Variants in NLRX1 observed in about 807,000 individuals in gnomAD.
NLRX1 encodes NOD-like receptor X1.
NLRX1 carries 67 observed loss-of-function variants against 74.2 expected under a neutral mutation model. The ratio of observed to expected loss-of-function variants is 0.90; its 90% CI spans 0.74 to 1.11. The LOEUF is 1.11. Among genes scored for constraint, NLRX1 ranks in the 50% least tolerant of loss-of-function variants. NLRX1 has a pLI of 0.00. For missense variants in NLRX1, 1,191 were observed against 1,305.4 expected, an observed-to-expected ratio of 0.91 and a Z score of 1.35; for synonymous variants, 506 against 559.1, an observed-to-expected ratio of 0.91 and a Z score of 1.34.
chr11:119,174,361 C>A (rs1229255277), intron 5 of NLRX1, 92 bp from the exon 6 acceptor site: 5 of 1,323,774 alleles, frequency 3.8e-6, no homozygotes, highest in Non-Finnish European at 5.3e-6. Flanking sequence ...TGTCTTCATC[C>A]TTGGACACTC....
Position 119,183,890 on chromosome 11 carries a change from G to A in NLRX1, c.*451G>A, listed in dbSNP as rs766139731. 5.1e-6 allele frequency: 4 copies of A among 780,870 alleles called. No homozygotes were observed. The East Asian group carries it at 9.7e-5, about 19-fold the overall frequency. 48.4% of individuals were successfully genotyped at this position (780,870 alleles called of 1,614,324 possible). A position where few individuals can be genotyped will look rare whatever the true frequency, so the allele number is the denominator to read the frequency against. On this transcript the variant is annotated 3_prime_UTR_variant, in exon 10 of 10. Coordinates refer to ENST00000409109, the MANE Select transcript of NLRX1 (RefSeq NM_001282144.2). The surrounding 1 kb of genome is among the most constrained non-coding windows in gnomAD (Gnocchi z 5.7). The stretch of plus-strand genomic sequence containing the variant: ...ATGCTCACCTGTGGACACCGAGGAT[G>A]CCCTCACATTGGTGCTTTCTCCTCA...
In NLRX1 at chr11:119,174,767, G is replaced by T; in HGVS notation, c.1164G>T (p.Thr388=). ...CATLHFLHAP[T]PAGQTLTSIY... is the part of the protein sequence containing the mutation. ...CCTTGCACTTCCTGCATGCCCCCACGCCTGCTGGGCAGACCCTTACAAGCA... is the reference window on the plus strand; with the variant it reads ...CCTTGCACTTCCTGCATGCCCCCACTCCTGCTGGGCAGACCCTTACAAGCA... Residue 388 remains threonine (T), a synonymous_variant, in exon 6 of 10, where the codon ACG becomes ACT. Coordinates refer to ENST00000409109, the MANE Select transcript of NLRX1 (RefSeq NM_001282144.2). 1 of 1,613,738 alleles carries T rather than the reference G, an allele frequency of 6.2e-7. No homozygotes were observed. The highest frequency in any genetic ancestry group is 8.5e-7 in the Non-Finnish European group (1 of 1,180,034).
intron 3 of NLRX1, 108 bp downstream of exon 3, chr11:119,172,533 C>A: frequency 1.2e-6 from 1 of 848,840 alleles, no homozygotes; most frequent in Non-Finnish European, 2.0e-6. Flanking sequence ...TGGGGAGGGG[C>A]TTGGTCCTTT....
At chr11:119,169,418 G>A (rs1948485553) in intron 1 of NLRX1, 116 bp downstream of exon 1, 1 of 152,478 alleles carries the variant, frequency 6.6e-6, no homozygotes, top group Non-Finnish European at 1.5e-5. Context: ...CTAGATCCGA[G>A]GTTAAACCGG....
chr11:119,178,736 T>C (rs1948757031), intron 6 of NLRX1, among the ~76,000 whole-genome samples: 1 of 149,984 alleles, frequency 6.7e-6, no homozygotes, highest in African/African-American at 2.5e-5. Context: ...AGGGTCTTGC[T>C]CTGTTGCCCA....
Position 119,172,920 on chromosome 11 carries a change from G to A in NLRX1, c.160G>A (p.Gly54Arg), listed in dbSNP as rs757905098. 16 of 1,613,940 alleles carry A rather than the reference G, an allele frequency of 9.9e-6. No individual in the cohort carries two copies. Among genetic ancestry groups the A allele is most frequent in the South Asian group, 3.3e-5 (3 of 91,076 alleles). Reference sequence around the variant, plus strand: ...TCCCAGGGCCTTTATACGCCACCACGGAAGCTCGGTAGATAGCGCTCCCCC... The same window carrying A: ...TCCCAGGGCCTTTATACGCCACCACAGAAGCTCGGTAGATAGCGCTCCCCC... ...GPPRAFIRHH[G>R]SSVDSAPPPG... Residue 54 changes from glycine (G) to arginine (R), a missense_variant, in exon 4 of 10, where the codon GGA (glycine) becomes AGA (arginine). Coordinates refer to ENST00000409109, the MANE Select transcript of NLRX1 (RefSeq NM_001282144.2).
At chr11:119,181,136 T>A (rs767438743) in intron 7 of NLRX1, 35 bp from the exon 8 acceptor site, 4 of 1,497,002 alleles carry the variant, frequency 2.7e-6, no homozygotes, top group Non-Finnish European at 3.7e-6. Flanking sequence ...CCCTCCCTGG[T>A]CTCTCACCTC....
rs757036994 is a variant in NLRX1 at position 119,173,621 on chromosome 11, T to C, written c.372T>C (p.Leu124=). The C allele has an allele frequency of 6.5e-5, 105 of 1,613,962 alleles. No homozygotes were observed. Among genetic ancestry groups the C allele is most frequent in the Non-Finnish European group, 7.5e-5 (88 of 1,180,036 alleles). The part of the protein sequence containing the change: ...VIRESTPDEL[L]RPPAELALEH... ...GCGAGAGTACCCCTGATGAGCTACT[T>C]CGCCCACCCGCGGAGCTGGCCCTGG... is the stretch of plus-strand genomic sequence containing the variant. The change falls in exon 5 of 10, where the codon CTT becomes CTC. Residue 124 remains leucine (L), a synonymous_variant. Coordinates refer to ENST00000409109, the MANE Select transcript of NLRX1 (RefSeq NM_001282144.2). This position sits in a 1 kb window ranked among gnomAD's most constrained non-coding sequence, Gnocchi z 4.0.
chr11:119,171,343 ATTC>A lies in NLRX1; in HGVS notation c.-48-7_-48-5del, dbSNP rs1157059527. 17 of 1,593,328 alleles carry A rather than the reference ATTC, an allele frequency of 1.1e-5. No homozygotes were observed. Among genetic ancestry groups the A allele is most frequent in the African/African-American group, 1.3e-5 (1 of 74,172 alleles). On this transcript the variant is annotated splice_polypyrimidine_tract_variant and intron_variant, in intron 1 of 9. Coordinates refer to ENST00000409109, the MANE Select transcript of NLRX1 (RefSeq NM_001282144.2). ...GTGGTGGCAGTGATCCATTCGTACT[ATTC>A]TTCTTGCAGGACAGAAGTCGGTCCT...
Position 119,183,340 on chromosome 11 carries a change from C to T in NLRX1, c.2829C>T (p.Ser943=), listed in dbSNP as rs776841899. The change falls in exon 10 of 10, where the codon AGC becomes AGT. Residue 943 remains serine, a synonymous_variant. Transcript: ENST00000409109. The surrounding 1 kb of genome is among the most constrained non-coding windows in gnomAD (Gnocchi z 5.7). ...LELLLRDLED[S]RGATLNPWRK... ...TCCTACTGCGGGATCTGGAAGATAGCCGGGGTGCCACCCTTAATCCTTGGC... is the reference window on the plus strand; with the variant it reads ...TCCTACTGCGGGATCTGGAAGATAGTCGGGGTGCCACCCTTAATCCTTGGC... The T allele has an allele frequency of 1.2e-6, 2 of 1,614,234 alleles. No individual in the cohort carries two copies. The highest frequency in any genetic ancestry group is 1.1e-5 in the South Asian group (1 of 91,088).
intron 2 of NLRX1, 83 bp downstream of exon 2, chr11:119,171,556 C>G: frequency 4.1e-6 from 4 of 977,676 alleles, no homozygotes; most frequent in Non-Finnish European, 6.4e-6. Context: ...AGCAGGGATC[C>G]AGACACCAGG....
In NLRX1 at chr11:119,173,393, G is replaced by A. The variant is rs1458412546; in HGVS notation, c.230-86G>A. ...CCAGCATCTATGCCGTGATGTCCCA[G>A]CCTGACCTCACCACCGCCCTGATTG... is the stretch of plus-strand genomic sequence containing the variant. On this transcript the variant is annotated intron_variant, in intron 4 of 9. Coordinates refer to ENST00000409109, the MANE Select transcript of NLRX1 (RefSeq NM_001282144.2). The surrounding 1 kb of genome is among the most constrained non-coding windows in gnomAD (Gnocchi z 4.0). 2 of 1,430,474 alleles carry A rather than the reference G, an allele frequency of 1.4e-6. No individual in the cohort carries two copies. Among genetic ancestry groups the A allele is most frequent in the African/African-American group, 1.4e-5 (1 of 71,292 alleles). 88.6% of individuals were successfully genotyped at this position (1,430,474 alleles called of 1,614,324 possible).
At chr11:119,177,582 C>T (rs1253456629) in intron 6 of NLRX1, among the ~76,000 whole-genome samples, 6 of 150,220 alleles carry the variant, frequency 4.0e-5, no homozygotes, top group Non-Finnish European at 5.9e-5. Context: ...GAGCTGAGAT[C>T]GCGCCACTGT....
chr11:119,181,623 T>G (rs1592337161), intron 8 of NLRX1, among the ~76,000 whole-genome samples: 1 of 152,110 alleles, frequency 6.6e-6, no homozygotes, highest in East Asian at 1.9e-4. Flanking sequence ...TAGACACCCC[T>G]TAAGTGTTGA....
chr11:119,183,319 A>C lies in NLRX1; in HGVS notation c.2808A>C (p.Leu936=), dbSNP rs142253287. The C allele has an allele frequency of 6.2e-7, 1 of 1,614,204 alleles. No individual in the cohort carries two copies. The highest frequency in any genetic ancestry group is 1.7e-5 in the Admixed American group (1 of 60,034). ...RARVQRHLEL[L]LRDLEDSRGA... ...GGGTTCAGCGACACCTTGAGCTCCT[A>C]CTGCGGGATCTGGAAGATAGCCGGG... Residue 936 remains leucine, a synonymous_variant, in exon 10 of 10, where the codon CTA becomes CTC. Coordinates refer to ENST00000409109, the MANE Select transcript of NLRX1 (RefSeq NM_001282144.2). This position sits in a 1 kb window ranked among gnomAD's most constrained non-coding sequence, Gnocchi z 5.7.
rs778507194 is a variant in NLRX1 at position 119,179,813 on chromosome 11, G to C, written c.1792G>C (p.Gly598Arg). The C allele has an allele frequency of 3.7e-6, 6 of 1,614,084 alleles. No homozygotes were observed. Among genetic ancestry groups the C allele is most frequent in the Non-Finnish European group, 5.1e-6 (6 of 1,180,040 alleles). The change falls in exon 7 of 10, where the codon GGC (glycine) becomes CGC (arginine). Residue 598 changes from glycine (G) to arginine (R), a missense_variant. Transcript: ENST00000409109. ...CAACGATGATGTTCTGGACCAGATG[G>C]GCGCCAGTATCCTGGGCGTGGAGGG... is the stretch of plus-strand genomic sequence containing the variant. ...YYNDDVLDQM[G>R]ASILGVEGPR...
intron 2 of NLRX1, 22 bp downstream of exon 2, chr11:119,171,495 C>G (rs1204991196): frequency 6.4e-7 from 1 of 1,562,924 alleles, no homozygotes; most frequent in Non-Finnish European, 8.8e-7. Flanking sequence ...GCAGGGGTTT[C>G]TGTTTTTACC....
intron 8 of NLRX1, 86 bp downstream of exon 8, chr11:119,181,343 C>CA (rs750441487): frequency 7.2e-5 from 72 of 999,108 alleles, no homozygotes; most frequent in Non-Finnish European, 1.0e-4. Flanking sequence ...GGCACAGACC[C>CA]ACCCAAGGGA....
intron 5 of NLRX1, 139 bp downstream of exon 5, chr11:119,174,237 C>A: frequency 8.2e-7 from 1 of 1,215,710 alleles, no homozygotes; most frequent in Non-Finnish European, 1.1e-6. Context: ...GCCTTCTGTT[C>A]CTTTCTTTTT....
Sources: allele counts gnomAD v4.1 joint callset (sites outside exome capture counted in the v4.1 genomes callset), GRCh38; gene constraint gnomAD v4.1.1; non-coding constraint Gnocchi (gnomAD v3.1); transcripts MANE v1.5; gene names NCBI Gene and HGNC (gene_info 2026-07-23, HGNC 2026-07-21).